The following CTNNA3 variants were observed in gnomAD, a reference collection of about 807,000 sequenced individuals.
The protein encoded by CTNNA3 is catenin alpha-3.
In CTNNA3, 76 loss-of-function variants were observed where a neutral mutation model predicts 95.7. The ratio of observed to expected loss-of-function variants is 0.79; its 90% CI spans 0.66 to 0.96. CTNNA3 has a LOEUF of 0.96. CTNNA3 is among the 40% of genes least tolerant of loss of function. The pLI is 0.00. For missense variants in CTNNA3, 1,191 were observed against 1,089.8 expected (o/e 1.09, Z -1.31); for synonymous variants, 431 against 374.4 (o/e 1.15, Z -1.74).
intron 2 of CTNNA3, among the ~76,000 whole-genome samples, chr10:67,617,518 A>T (rs1244152252): frequency 2.0e-5 from 3 of 151,986 alleles, no homozygotes; most frequent in Non-Finnish European, 4.4e-5. Flanking sequence ...ATGTATATTT[A>T]GGTTGATTCC....
intron 2 of CTNNA3, among the ~76,000 whole-genome samples, chr10:67,644,235 G>A (rs1362736527): frequency 4.6e-5 from 7 of 151,914 alleles, no homozygotes; most frequent in East Asian, 1.9e-4. Flanking sequence ...TCTAACTGGC[G>A]TGAGATGGTA....
intron 13 of CTNNA3, among the ~76,000 whole-genome samples, chr10:66,160,486 G>T (rs1387347032): frequency 6.6e-6 from 1 of 151,954 alleles, no homozygotes; most frequent in Non-Finnish European, 1.5e-5. Context: ...TATTTGCATG[G>T]CTTTGAAGGT....
intron 7 of CTNNA3, among the ~76,000 whole-genome samples, chr10:67,044,092 C>T (rs1564851229): frequency 6.6e-6 from 1 of 151,890 alleles, no homozygotes; most frequent in East Asian, 1.9e-4. Context: ...CCCTTCCCTC[C>T]TCCCTCTTTC....
At chr10:66,749,918 T>C (rs1046599106) in intron 9 of CTNNA3, among the ~76,000 whole-genome samples, 1 of 152,230 alleles carries the variant, frequency 6.6e-6, no homozygotes, top group African/African-American at 2.4e-5. Flanking sequence ...TTTTATTAGA[T>C]GTGTAATAGT....
intron 5 of CTNNA3, among the ~76,000 whole-genome samples, chr10:67,515,298 T>C (rs1448305084): frequency 6.6e-6 from 1 of 152,206 alleles, no homozygotes; most frequent in Non-Finnish European, 1.5e-5. Context: ...TATTAGGAAA[T>C]GTGAATATTA....
intron 12 of CTNNA3, among the ~76,000 whole-genome samples, chr10:66,293,793 G>T (rs2091730483): frequency 6.6e-6 from 1 of 151,620 alleles, no homozygotes; most frequent in Non-Finnish European, 1.5e-5. Context: ...AGCCTCCCGA[G>T]TAGCTGGGAT....
chr10:67,197,622 T>C (rs10997567), intron 6 of CTNNA3, among the ~76,000 whole-genome samples: 1 of 152,064 alleles, frequency 6.6e-6, no homozygotes, highest in African/African-American at 2.4e-5. Flanking sequence ...CCCTGAGGTC[T>C]TCCCCATATT....
intron 10 of CTNNA3, among the ~76,000 whole-genome samples, chr10:66,575,065 C>A (rs937394499): frequency 2.6e-5 from 4 of 152,076 alleles, no homozygotes; most frequent in African/African-American, 4.8e-5. Context: ...AAAATGCAAT[C>A]ATGATTTAGT....
chr10:66,582,411 G>T (rs1365101483), intron 10 of CTNNA3, among the ~76,000 whole-genome samples: 1 of 151,620 alleles, frequency 6.6e-6, no homozygotes, highest in African/African-American at 2.4e-5. Flanking sequence ...ACTGTAAAAG[G>T]GATTGAGTTT....
intron 10 of CTNNA3, among the ~76,000 whole-genome samples, chr10:66,592,277 GTATT>G (rs1564554294): frequency 2.0e-5 from 3 of 151,772 alleles, no homozygotes; most frequent in African/African-American, 4.9e-5. Context: ...CATGAAAAAA[GTATT>G]TATCACAGTT....
Position 66,927,926 on chromosome 10 carries a change from C to A in CTNNA3, c.1048-152402G>T, listed in dbSNP as rs1438046098. The A allele has an allele frequency of 2.5e-6, 4 of 1,614,244 alleles. No individual in the cohort carries two copies. Among genetic ancestry groups the A allele is most frequent in the South Asian group, 1.1e-5 (1 of 91,088 alleles). ...AGTTTTAAAGGTCTAAGGGAGAATA[C>A]AATTATCTGTGCCAGTCCCAAAGAG... On this transcript the variant is annotated intron_variant, in intron 7 of 17. Coordinates refer to ENST00000433211, the MANE Select transcript of CTNNA3 (RefSeq NM_013266.4). The surrounding 1 kb of genome is among the most constrained non-coding windows in gnomAD (Gnocchi z 4.7).
At chr10:67,709,182 T>G (rs1324514850) in intron 1 of CTNNA3, among the ~76,000 whole-genome samples, 2 of 152,156 alleles carry the variant, frequency 1.3e-5, no homozygotes, top group African/African-American at 2.4e-5. Context: ...AGTGACATGA[T>G]TTTTCTATAA....
chr10:67,467,008 C>T (rs1377138624), intron 5 of CTNNA3, among the ~76,000 whole-genome samples: 1 of 152,014 alleles, frequency 6.6e-6, no homozygotes, highest in Non-Finnish European at 1.5e-5. Context: ...CACAGTAGCG[C>T]ACATCTATAG....
chr10:66,303,310 A>T lies in CTNNA3; in HGVS notation c.1733-22689T>A, dbSNP rs181668158. Among the ~76,000 whole-genome samples the T allele has an allele frequency of 4.4e-3, 669 of 152,240 alleles. 6 individuals carry two copies. Among genetic ancestry groups the T allele is most frequent in the African/African-American group, 0.015 (637 of 41,572 alleles). ...AATAAACAGTGTATTCTGGAAGAAA[A>T]AAAAGAAACAATAGTTATGAAAATT... On this transcript the variant is annotated intron_variant, in intron 12 of 17. Coordinates refer to ENST00000433211, the MANE Select transcript of CTNNA3 (RefSeq NM_013266.4).
chr10:67,473,743 A>G (rs983252519), intron 5 of CTNNA3, among the ~76,000 whole-genome samples: 5 of 152,242 alleles, frequency 3.3e-5, no homozygotes, highest in Non-Finnish European at 7.3e-5. Flanking sequence ...AATTTTAAAA[A>G]TGATATATTA....
In CTNNA3 at chr10:66,692,765, T is replaced by C. The variant is rs182675256; in HGVS notation, c.1282-70981A>G. Among the ~76,000 whole-genome samples, 672 of 152,274 alleles carry C rather than the reference T, an allele frequency of 4.4e-3. 5 individuals are homozygous for C. The highest frequency in any genetic ancestry group is 0.015 in the African/African-American group (641 of 41,544). On this transcript the variant is annotated intron_variant, in intron 9 of 17. Coordinates refer to ENST00000433211, the MANE Select transcript of CTNNA3 (RefSeq NM_013266.4). ...ACCATCAGACTAACAGCAGATCTCT[T>C]GGCAGAAACTCTACAAGCCAGAAGA... is the stretch of plus-strand genomic sequence containing the variant.
At chr10:66,953,572 A>G (rs1848645336) in intron 7 of CTNNA3, among the ~76,000 whole-genome samples, 1 of 152,142 alleles carries the variant, frequency 6.6e-6, no homozygotes, top group South Asian at 2.1e-4. Flanking sequence ...GTTATGACTC[A>G]TGGGTTTTGT....
At chr10:67,187,055 G>T (rs1276853428) in intron 6 of CTNNA3, among the ~76,000 whole-genome samples, 4 of 151,836 alleles carry the variant, frequency 2.6e-5, no homozygotes, top group African/African-American at 9.7e-5. Context: ...TAATTTATTT[G>T]ATTAATAAAT....
chr10:67,756,384 C>A (rs182461533), intron 1 of CTNNA3, among the ~76,000 whole-genome samples: 3 of 152,110 alleles, frequency 2.0e-5, no homozygotes, highest in African/African-American at 7.2e-5. Context: ...ATCCTAACTA[C>A]ACCAATTTAA....
Sources: allele counts gnomAD v4.1 joint callset (sites outside exome capture counted in the v4.1 genomes callset), GRCh38; gene constraint gnomAD v4.1.1; non-coding constraint Gnocchi (gnomAD v3.1); transcripts MANE v1.5; gene names NCBI Gene and HGNC (gene_info 2026-07-23, HGNC 2026-07-21).